Variants in KLHL2 observed in about 807,000 individuals in gnomAD.
KLHL2 encodes the protein kelch-like protein 2.
In KLHL2, 15 loss-of-function variants were observed where a neutral mutation model predicts 75.8. The ratio of observed to expected loss-of-function variants is 0.20; its 90% CI spans 0.13 to 0.30. The LOEUF is 0.30. Ranked by LOEUF, KLHL2 falls within the 10% of genes least tolerant of loss-of-function variation. The probability of loss-of-function intolerance (pLI) is 1.00; values close to 1 mark genes in which losing one functional copy is unlikely to be tolerated. For missense variants in KLHL2, 381 were observed against 741.0 expected, an observed-to-expected ratio of 0.51 and a Z score of 5.64; for synonymous variants, 214 against 251.9, an observed-to-expected ratio of 0.85 and a Z score of 1.42.
intron 5 of KLHL2, among the ~76,000 whole-genome samples, chr4:165,283,044 T>C (rs1433843785): frequency 6.6e-6 from 1 of 152,086 alleles, no homozygotes; most frequent in Non-Finnish European, 1.5e-5. Context: ...GATCTCATGA[T>C]ACCTATTCAC....
intron 13 of KLHL2, among the ~76,000 whole-genome samples, chr4:165,314,985 C>CT (rs1432894694): frequency 6.6e-6 from 1 of 152,096 alleles, no homozygotes; most frequent in East Asian, 1.9e-4. Context: ...CTAAGAGAGA[C>CT]TAAGTATGTG....
rs980722538 is a variant in KLHL2 at position 165,208,320 on chromosome 4, C to G, written c.26+418C>G. 3 of 154,866 alleles carry G rather than the reference C, an allele frequency of 1.9e-5. No homozygotes were observed. The Admixed American group carries it at 2.0e-4, about 10-fold the overall frequency. The allele number at this position is 154,866 out of a possible 1,614,324, so 9.6% of individuals were successfully genotyped here. On this transcript the variant is annotated intron_variant, in intron 1 of 14. Transcript: ENST00000226725. Reference sequence around the variant, plus strand: ...CTGGAAAGTACCAGTCACCCGCTGTCTAAATGAATTGATCTTAGGTTGCTT... The same window carrying G: ...CTGGAAAGTACCAGTCACCCGCTGTGTAAATGAATTGATCTTAGGTTGCTT...
At chr4:165,219,389 A>T (rs1387075173) in intron 1 of KLHL2, among the ~76,000 whole-genome samples, 1 of 152,270 alleles carries the variant, frequency 6.6e-6, no homozygotes, top group Non-Finnish European at 1.5e-5. Flanking sequence ...TACTCAGCAC[A>T]GGGCTGCCAT....
intron 6 of KLHL2, among the ~76,000 whole-genome samples, 200 bp from the exon 7 acceptor site, chr4:165,297,407 TAA>T (rs200104494): frequency 7.0e-6 from 1 of 142,222 alleles, no homozygotes. Flanking sequence ...TTTGGGTAAA[TAA>T]AAAAAAAAAG....
At chr4:165,254,909 G>A (rs1279793339) in intron 4 of KLHL2, among the ~76,000 whole-genome samples, 2 of 152,164 alleles carry the variant, frequency 1.3e-5, no homozygotes, top group Non-Finnish European at 2.9e-5. Flanking sequence ...GTAAATCTTG[G>A]TGTTCAATTC....
chr4:165,234,128 T>C (rs973407492), intron 3 of KLHL2, among the ~76,000 whole-genome samples: 3 of 152,220 alleles, frequency 2.0e-5, no homozygotes, highest in Admixed American at 6.5e-5. Flanking sequence ...GGCAATGCAG[T>C]TACCATGTTG....
At chr4:165,310,436 C>A in intron 9 of KLHL2, 117 bp from the exon 10 acceptor site, 2 of 806,382 alleles carry the variant, frequency 2.5e-6, no homozygotes, top group Non-Finnish European at 4.3e-6. Context: ...TTTAATCAGG[C>A]TCCTCCTAAG....
chr4:165,238,915 T>G lies in KLHL2; in HGVS notation c.381+16T>G. Reference sequence around the variant, plus strand: ...AAATGTACAGGTAAGAGTAAACACTTCACACCATCTAGCTTTTTATGCATA... The same window carrying G: ...AAATGTACAGGTAAGAGTAAACACTGCACACCATCTAGCTTTTTATGCATA... On this transcript the variant is annotated intron_variant, in intron 4 of 14. Transcript: ENST00000226725. 6.3e-7 allele frequency: 1 copy of G among 1,599,192 alleles called. No homozygotes were observed. The highest frequency in any genetic ancestry group is 8.5e-7 in the Non-Finnish European group (1 of 1,176,130).
intron 1 of KLHL2, among the ~76,000 whole-genome samples, chr4:165,215,069 A>G (rs1289673587): frequency 6.6e-6 from 1 of 152,212 alleles, no homozygotes; most frequent in Non-Finnish European, 1.5e-5. Context: ...TAATATGAAC[A>G]TATGTTTGTA....
chr4:165,265,031 A>G (rs1742136940), intron 5 of KLHL2, among the ~76,000 whole-genome samples: 1 of 151,796 alleles, frequency 6.6e-6, no homozygotes. Context: ...CATCCACACC[A>G]ACATCTATTG....
At chr4:165,262,405 G>A (rs952221690) in intron 4 of KLHL2, among the ~76,000 whole-genome samples, 1 of 152,156 alleles carries the variant, frequency 6.6e-6, no homozygotes, top group Non-Finnish European at 1.5e-5. Flanking sequence ...CTCATACAGT[G>A]GAAAAACAGG....
chr4:165,244,399 A>G (rs892325709), intron 4 of KLHL2, among the ~76,000 whole-genome samples: 1 of 152,234 alleles, frequency 6.6e-6, no homozygotes, highest in African/African-American at 2.4e-5. Context: ...AGTAGAATGT[A>G]GTTACTGAGG....
At chr4:165,300,673 C>T (rs1281914493) in intron 8 of KLHL2, among the ~76,000 whole-genome samples, 1 of 152,110 alleles carries the variant, frequency 6.6e-6, no homozygotes, top group Non-Finnish European at 1.5e-5. Context: ...ATAGTACGAC[C>T]AATACTTTAA....
intron 1 of KLHL2, among the ~76,000 whole-genome samples, chr4:165,217,549 C>A (rs1275849671): frequency 1.3e-5 from 2 of 152,124 alleles, no homozygotes; most frequent in Non-Finnish European, 2.9e-5. Context: ...GGAGGTAAAG[C>A]CTTGCGCTAA....
chr4:165,266,909 G>T (rs1742287159), intron 5 of KLHL2, among the ~76,000 whole-genome samples: 1 of 151,976 alleles, frequency 6.6e-6, no homozygotes, highest in African/African-American at 2.4e-5. Context: ...ATTACCTTGG[G>T]CAGTATGGCC....
chr4:165,292,521 C>T (rs1442438649), intron 5 of KLHL2, among the ~76,000 whole-genome samples: 2 of 151,760 alleles, frequency 1.3e-5, no homozygotes, highest in Non-Finnish European at 2.9e-5. Flanking sequence ...TTTGTAGAGA[C>T]GGGGTTTCGC....
intron 5 of KLHL2, among the ~76,000 whole-genome samples, chr4:165,266,144 T>C (rs1742224106): frequency 6.6e-6 from 1 of 152,248 alleles, no homozygotes; most frequent in Admixed American, 6.5e-5. Flanking sequence ...GTTTATATCC[T>C]TTGTCCACTT....
intron 4 of KLHL2, among the ~76,000 whole-genome samples, chr4:165,248,035 C>A (rs939351200): frequency 5.9e-5 from 9 of 152,164 alleles, no homozygotes; most frequent in African/African-American, 1.9e-4. Flanking sequence ...ATAAAAAAAT[C>A]ATTTATTCTT....
intron 8 of KLHL2, among the ~76,000 whole-genome samples, chr4:165,301,386 A>G (rs1313002212): frequency 6.6e-6 from 1 of 152,162 alleles, no homozygotes; most frequent in Non-Finnish European, 1.5e-5. Context: ...AAAATTTGGT[A>G]TTTGCTTTCT....
Sources: allele counts gnomAD v4.1 joint callset (sites outside exome capture counted in the v4.1 genomes callset), GRCh38; gene constraint gnomAD v4.1.1; transcripts MANE v1.5; gene names NCBI Gene and HGNC (gene_info 2026-07-23, HGNC 2026-07-21).